The following CFAP47 variants were observed in gnomAD, a reference collection of about 807,000 sequenced individuals.
CFAP47 encodes the protein cilia- and flagella-associated protein 47.
A neutral mutation model predicts 148.1 loss-of-function variants in CFAP47; 29 were observed. The ratio of observed to expected loss-of-function variants is 0.20; its 90% CI spans 0.15 to 0.27. The LOEUF is 0.27. Ranked by LOEUF, CFAP47 falls within the 10% of genes least tolerant of loss-of-function variation. The probability of loss-of-function intolerance (pLI) is 1.00; values close to 1 mark genes in which losing one functional copy is unlikely to be tolerated. For synonymous variants in CFAP47, 664 were observed against 577.3 expected, an observed-to-expected ratio of 1.15 and a Z score of -2.15; for missense variants, 1,872 against 1,697.5, an observed-to-expected ratio of 1.10 and a Z score of -1.81.
At position 36,099,996 on chromosome X, in the gene CFAP47, A is replaced by ATT. The variant is rs201260518; in HGVS notation, c.5127+125_5127+126dup. The ATT allele has an allele frequency of 1.8e-5, 7 of 396,822 alleles. No individual in the cohort carries two copies. In the African/African-American group the frequency reaches 1.9e-4, roughly 11 times the overall value. The allele number at this position is 396,822 out of a possible 1,213,427, so 32.7% of individuals were successfully genotyped here. On this transcript the variant is annotated intron_variant, in intron 32 of 63. Transcript: ENST00000378653. ...AAAAACACAGTGCCTTAAATGAGAG[A>ATT]TTTTTTTTTATTGCTTTCTCATGGA... is the stretch of plus-strand genomic sequence containing the variant.
At chrX:36,056,630 T>A (rs903877631) in intron 26 of CFAP47, among the ~76,000 whole-genome samples, 10 of 111,925 alleles carry the variant, frequency 8.9e-5, no homozygotes, top group African/African-American at 3.2e-4. Context: ...TAAAAATGAG[T>A]TGATTAATTT....
intron 2 of CFAP47, among the ~76,000 whole-genome samples, chrX:35,940,369 C>G (rs756346445): frequency 3.2e-3 from 350 of 110,670 alleles, no homozygotes; most frequent in Non-Finnish European, 5.7e-3. Context: ...AAGTCCTTGC[C>G]CATGCCTATG....
chrX:36,077,834 C>T (rs1449981066), intron 29 of CFAP47, among the ~76,000 whole-genome samples: 1 of 110,293 alleles, frequency 9.1e-6, no homozygotes, highest in East Asian at 2.9e-4. Context: ...CAAGACAAGC[C>T]TGGCCAACAT....
rs73466992 is a variant in CFAP47 at position 35,940,904 on chromosome X, A to T, written c.402-379A>T. On this transcript the variant is annotated intron_variant, in intron 2 of 63. Coordinates refer to ENST00000378653, the MANE Select transcript of CFAP47 (RefSeq NM_001304548.2). ...AATTTTTTAGAAATACATATGGAAA[A>T]TAAATTGTACTTACATTTTGTAAGT... 6.8e-3 allele frequency among the ~76,000 whole-genome samples: 760 copies of T among 111,677 alleles called. 11 individuals are homozygous for T. Among genetic ancestry groups the T allele is most frequent in the African/African-American group, 0.023 (716 of 30,834 alleles).
At chrX:36,041,418 G>GAAT (rs1937402923) in intron 25 of CFAP47, among the ~76,000 whole-genome samples, 1 of 111,527 alleles carries the variant, frequency 9.0e-6, no homozygotes, top group Admixed American at 9.5e-5. Context: ...AATATACTGG[G>GAAT]AATAAGTAGA....
intron 45 of CFAP47, among the ~76,000 whole-genome samples, chrX:36,213,992 C>T (rs1423092772): frequency 9.0e-6 from 1 of 111,570 alleles, no homozygotes; most frequent in Non-Finnish European, 1.9e-5. Context: ...TCTGTGAATA[C>T]AATCATGCAT....
intron 39 of CFAP47, among the ~76,000 whole-genome samples, chrX:36,172,490 TGA>T (rs1345524838): frequency 0.016 from 1,767 of 109,493 alleles, 30 homozygotes; most frequent in African/African-American, 0.056. Context: ...CCTAATTTAT[TGA>T]GAGTTTTTAG....
At chrX:36,364,435 T>C in intron 61 of CFAP47, among the ~76,000 whole-genome samples, 1 of 87,724 alleles carries the variant, frequency 1.1e-5, no homozygotes, top group South Asian at 6.1e-4. Context: ...TTTCAGATTG[T>C]CCTAATAAAT....
chrX:36,241,228 T>A (rs1321871229), intron 48 of CFAP47, among the ~76,000 whole-genome samples: 1 of 111,741 alleles, frequency 8.9e-6, no homozygotes, highest in Non-Finnish European at 1.9e-5. Context: ...GAGAAAGAGA[T>A]GTTTTCAGAA....
chrX:36,303,534 A>G (rs887557143), intron 53 of CFAP47, among the ~76,000 whole-genome samples: 2 of 109,533 alleles, frequency 1.8e-5, no homozygotes, highest in Non-Finnish European at 3.8e-5. Context: ...CTGTGACTTG[A>G]GATACATCAC....
At chrX:36,146,309 G>T (rs866738907) in intron 36 of CFAP47, among the ~76,000 whole-genome samples, 3 of 110,873 alleles carry the variant, frequency 2.7e-5, no homozygotes, top group African/African-American at 9.9e-5. Flanking sequence ...TCACTTAATT[G>T]TTATTGATGT....
At chrX:35,971,050 C>A in intron 11 of CFAP47, 127 bp downstream of exon 11, 1 of 482,084 alleles carries the variant, frequency 2.1e-6, no homozygotes, top group Non-Finnish European at 3.4e-6. Context: ...GTGATAAAAG[C>A]AAAACACTGA....
chrX:36,368,823 T>C (rs1556020826), intron 62 of CFAP47, among the ~76,000 whole-genome samples: 1 of 111,729 alleles, frequency 9.0e-6, no homozygotes, highest in East Asian at 2.8e-4. Flanking sequence ...AACTTTTAAA[T>C]ATTCAATAAA....
At chrX:36,223,321 G>A (rs1275192812) in intron 45 of CFAP47, among the ~76,000 whole-genome samples, 2 of 110,816 alleles carry the variant, frequency 1.8e-5, no homozygotes, top group African/African-American at 3.3e-5. Flanking sequence ...TAGAAAAAAA[G>A]CCTACATTGA....
At position 36,346,884 on chromosome X, in the gene CFAP47, A is replaced by G. The variant is rs368440909; in HGVS notation, c.8444-1245A>G. 6.2e-5 allele frequency among the ~76,000 whole-genome samples: 7 copies of G among 112,114 alleles called. No homozygotes were observed. The South Asian group carries it at 1.1e-3, about 18-fold the overall frequency. On this transcript the variant is annotated intron_variant, in intron 57 of 63. Transcript: ENST00000378653. ...ATTCAGGACACAGGCATGGGCAAAGACTTCATGCCTAAAACACCAAAAGCA... is the reference window on the plus strand; with the variant it reads ...ATTCAGGACACAGGCATGGGCAAAGGCTTCATGCCTAAAACACCAAAAGCA...
At chrX:36,332,085 A>G (rs978998449) in intron 57 of CFAP47, among the ~76,000 whole-genome samples, 4 of 112,136 alleles carry the variant, frequency 3.6e-5, no homozygotes, top group Non-Finnish European at 5.6e-5. Flanking sequence ...TTGGAAAAAT[A>G]TATCAAATTC....
chrX:36,341,736 C>A (rs782144671), intron 57 of CFAP47, among the ~76,000 whole-genome samples: 2 of 109,863 alleles, frequency 1.8e-5, no homozygotes, highest in East Asian at 5.7e-4. Flanking sequence ...AAGCAAAGCA[C>A]AAATAATAAT....
chrX:36,069,547 A>C (rs1303855212), intron 27 of CFAP47, among the ~76,000 whole-genome samples: 2 of 111,852 alleles, frequency 1.8e-5, no homozygotes, highest in Non-Finnish European at 3.8e-5. Flanking sequence ...AATATCCTAA[A>C]ACATCTTTAG....
chrX:36,304,900 T>C (rs1556008542), intron 54 of CFAP47, among the ~76,000 whole-genome samples: 4 of 112,480 alleles, frequency 3.6e-5, no homozygotes, highest in Non-Finnish European at 7.5e-5. Flanking sequence ...CACCATTTAT[T>C]TGCAGTGAGT....
Sources: allele counts gnomAD v4.1 joint callset (sites outside exome capture counted in the v4.1 genomes callset), GRCh38; gene constraint gnomAD v4.1.1; transcripts MANE v1.5; gene names NCBI Gene and HGNC (gene_info 2026-07-23, HGNC 2026-07-21).